MAPKAPK3: variants seen among roughly 807,000 people sequenced by gnomAD.
MAPKAPK3 encodes MAPK activated protein kinase 3, also known as MAP kinase-activated protein kinase 3.
A neutral mutation model predicts 49.2 loss-of-function variants in MAPKAPK3; 35 were observed. The ratio of observed to expected loss-of-function variants is 0.71; its 90% CI spans 0.54 to 0.94. The LOEUF (loss-of-function observed/expected upper bound fraction) is 0.94, where lower values mean the gene tolerates loss of function less well. Among genes scored for constraint, MAPKAPK3 ranks in the 40% least tolerant of loss-of-function variants. The pLI, the probability that MAPKAPK3 is intolerant of heterozygous loss-of-function variation, is 0.00. For missense variants in MAPKAPK3, 398 were observed against 493.1 expected (o/e 0.81, Z 1.83); for synonymous variants, 178 against 188.7 (o/e 0.94, Z 0.46).
At chr3:50,629,946 G>A (rs2107583818) in intron 2 of MAPKAPK3, among the ~76,000 whole-genome samples, 1 of 152,350 alleles carries the variant, frequency 6.6e-6, no homozygotes, top group South Asian at 2.1e-4. Flanking sequence ...GAAGACACTA[G>A]GCTTGGAACC....
At chr3:50,627,805 G>C (rs1487690544) in intron 2 of MAPKAPK3, among the ~76,000 whole-genome samples, 2 of 152,180 alleles carry the variant, frequency 1.3e-5, no homozygotes, top group South Asian at 2.1e-4. Context: ...TCCTCTGGCT[G>C]AACGTGAGCA....
intron 1 of MAPKAPK3, 107 bp from the exon 2 acceptor site, chr3:50,617,407 G>T (rs1012492737): frequency 3.4e-6 from 2 of 581,426 alleles, no homozygotes; most frequent in African/African-American, 1.9e-5. Flanking sequence ...CGTTCGTCCC[G>T]CACTCCCAGC....
At chr3:50,633,979 G>T (rs1394668135) in intron 2 of MAPKAPK3, among the ~76,000 whole-genome samples, 2 of 152,208 alleles carry the variant, frequency 1.3e-5, no homozygotes, top group Non-Finnish European at 2.9e-5. Flanking sequence ...ACCTGGTGAT[G>T]CTAGAGGGGC....
At chr3:50,645,386 C>G (rs1249638593) in intron 6 of MAPKAPK3, among the ~76,000 whole-genome samples, 1 of 152,170 alleles carries the variant, frequency 6.6e-6, no homozygotes, top group East Asian at 1.9e-4. Flanking sequence ...GCTGGCAGGC[C>G]AAGACCCTCT....
chr3:50,641,118 G>A (rs1194474655), intron 3 of MAPKAPK3, among the ~76,000 whole-genome samples: 1 of 152,158 alleles, frequency 6.6e-6, no homozygotes, highest in Non-Finnish European at 1.5e-5. Flanking sequence ...TGTAAGATGT[G>A]GGAAAGATCT....
At position 50,645,754 on chromosome 3, in the gene MAPKAPK3, A is replaced by G; in HGVS notation, c.673A>G (p.Met225Val). The G allele has an allele frequency of 2.5e-6, 4 of 1,614,100 alleles. No homozygotes were observed. The South Asian group carries it at 3.3e-5, about 13-fold the overall frequency. Residue 225 changes from methionine (M) to valine (V), a missense_variant, in exon 7 of 11, where the codon ATG becomes GTG. By Grantham distance (21) the Met-to-Val change is conservative (BLOSUM62 1). Coordinates refer to ENST00000621469, the MANE Select transcript of MAPKAPK3 (RefSeq NM_001243925.2). ...AGAGAAGTATGACAAGTCATGTGAC[A>G]TGTGGTCCCTGGGTGTCATCATGTA... The part of the protein sequence containing the change: ...GPEKYDKSCD[M>V]WSLGVIMYIL...
At chr3:50,611,572 C>G, upstream of MAPKAPK3, 10 of 1,525,828 alleles carry the variant, frequency 6.6e-6, no homozygotes, top group Non-Finnish European at 8.8e-6. Context: ...AGCACGAAGC[C>G]CCTGTTCTCC....
chr3:50,616,586 A>C (rs1161025277), upstream of MAPKAPK3, among the ~76,000 whole-genome samples: 1 of 152,196 alleles, frequency 6.6e-6, no homozygotes, highest in Non-Finnish European at 1.5e-5. Flanking sequence ...AAAGGGAAGC[A>C]GCGAGTCAAG....
chr3:50,615,741 T>G (rs2032451158), upstream of MAPKAPK3, among the ~76,000 whole-genome samples: 1 of 152,222 alleles, frequency 6.6e-6, no homozygotes, highest in African/African-American at 2.4e-5. Flanking sequence ...CAGCTGAGGC[T>G]ATTGTCTGGA....
rs2033313027 is a variant in MAPKAPK3, at chr3:50,646,893, G to T, written c.915+68G>T. The T allele has an allele frequency of 1.1e-5, 17 of 1,518,592 alleles. No homozygotes were observed. In the Admixed American group the frequency reaches 2.9e-4, roughly 26 times the overall value. 94.1% of individuals were successfully genotyped at this position (1,518,592 alleles called of 1,614,324 possible). The stretch of plus-strand genomic sequence containing the variant: ...GAGTGGGGCTGCCGGGCAGGAGGGT[G>T]GTGGCTCTGCTTTGAGGCCCCAGTG... On this transcript the variant is annotated intron_variant, in intron 9 of 10. Coordinates refer to ENST00000621469, the MANE Select transcript of MAPKAPK3 (RefSeq NM_001243925.2).
At chr3:50,642,507 T>C (rs1200816951) in intron 5 of MAPKAPK3, among the ~76,000 whole-genome samples, 175 bp downstream of exon 5, 2 of 152,232 alleles carry the variant, frequency 1.3e-5, no homozygotes, top group Non-Finnish European at 2.9e-5. Context: ...TTCAGCATAC[T>C]CATTCTGTTC....
intron 8 of MAPKAPK3, 142 bp from the exon 9 acceptor site, chr3:50,646,598 G>C (rs2033305081): frequency 1.3e-6 from 1 of 763,660 alleles, no homozygotes; most frequent in Admixed American, 2.3e-5. Flanking sequence ...ACAAGAAATA[G>C]TTGTTAGCTC....
upstream of MAPKAPK3, chr3:50,612,485 G>A (rs931822875): frequency 1.3e-5 from 2 of 152,282 alleles, no homozygotes; most frequent in African/African-American, 4.8e-5. Context: ...TGGGTCCACT[G>A]AGGTCAAGCC....
intron 9 of MAPKAPK3, 88 bp downstream of exon 9, chr3:50,646,913 C>G: frequency 7.3e-7 from 1 of 1,363,706 alleles, no homozygotes; most frequent in African/African-American, 1.4e-5. Context: ...CTTTGAGGCC[C>G]CAGTGCAGGG....
intron 2 of MAPKAPK3, among the ~76,000 whole-genome samples, chr3:50,635,390 GCCT>G (rs1354620297): frequency 6.7e-6 from 1 of 149,240 alleles, no homozygotes; most frequent in African/African-American, 2.5e-5. Context: ...CCTCACTGGG[GCCT>G]CCTCAATTTA....
At chr3:50,634,447 G>A (rs1239816908) in intron 2 of MAPKAPK3, among the ~76,000 whole-genome samples, 3 of 152,012 alleles carry the variant, frequency 2.0e-5, no homozygotes, top group African/African-American at 7.2e-5. Context: ...AGGCAAGGGT[G>A]GGGGCCCGTT....
intron 2 of MAPKAPK3, among the ~76,000 whole-genome samples, chr3:50,634,287 G>A (rs2032979451): frequency 6.6e-6 from 1 of 152,168 alleles, no homozygotes; most frequent in Admixed American, 6.5e-5. Context: ...ACAGGGGTGT[G>A]TGTATGTGTA....
intron 2 of MAPKAPK3, among the ~76,000 whole-genome samples, chr3:50,638,437 G>A (rs1297694392): frequency 6.6e-6 from 1 of 152,138 alleles, no homozygotes; most frequent in African/African-American, 2.4e-5. Flanking sequence ...CTAACCTGAG[G>A]GGTGTTCTGG....
chr3:50,625,089 G>T (rs750011290), intron 2 of MAPKAPK3, among the ~76,000 whole-genome samples: 1 of 152,078 alleles, frequency 6.6e-6, no homozygotes, highest in Non-Finnish European at 1.5e-5. Flanking sequence ...TGGACTAAAG[G>T]CAGTTTCATA....
Sources: gnomAD v4.1 joint callset for allele counts (sites outside exome capture counted in the v4.1 genomes callset) on GRCh38, gnomAD v4.1.1 for gene constraint, MANE v1.5 for transcripts, NCBI Gene and HGNC (gene_info 2026-07-23, HGNC 2026-07-21) for gene names.